The following PTPRN2 variants were observed in gnomAD, a reference collection of about 807,000 sequenced individuals.
The protein encoded by PTPRN2 is receptor-type tyrosine-protein phosphatase N2.
PTPRN2 carries 74 observed loss-of-function variants against 118.8 expected under a neutral mutation model. The ratio of observed to expected loss-of-function variants is 0.62; its 90% confidence interval spans 0.52 to 0.76. PTPRN2 has a LOEUF of 0.76. PTPRN2 is among the 30% of genes least tolerant of loss of function. The pLI, the probability that PTPRN2 is intolerant of heterozygous loss-of-function variation, is 0.00. For synonymous variants in PTPRN2, 641 were observed against 608.0 expected (o/e 1.05, Z -0.80); for missense variants, 1,481 against 1,394.4 (o/e 1.06, Z -0.99).
intron 11 of PTPRN2, among the ~76,000 whole-genome samples, chr7:157,982,954 A>G (rs1222451444): frequency 1.0e-5 from 1 of 99,660 alleles, no homozygotes; most frequent in Non-Finnish European, 2.0e-5. Flanking sequence ...CACAGAGACG[A>G]GGAGGGGAAT....
At chr7:158,549,441 A>G (rs563622654) in intron 1 of PTPRN2, among the ~76,000 whole-genome samples, 1 of 152,238 alleles carries the variant, frequency 6.6e-6, no homozygotes, top group South Asian at 2.1e-4. Context: ...CCTGAACCCC[A>G]GGGATGGCGC....
At chr7:158,538,390 G>T (rs1024943365) in intron 1 of PTPRN2, among the ~76,000 whole-genome samples, 1 of 152,196 alleles carries the variant, frequency 6.6e-6, no homozygotes, top group African/African-American at 2.4e-5. Context: ...GTCCCTCTGG[G>T]AATCCACTCG....
intron 1 of PTPRN2, among the ~76,000 whole-genome samples, chr7:158,566,531 G>A (rs1827684394): frequency 6.6e-6 from 1 of 152,172 alleles, no homozygotes. Flanking sequence ...TACTCTGCAG[G>A]TGACTGGGCA....
intron 12 of PTPRN2, among the ~76,000 whole-genome samples, chr7:157,812,328 G>T (rs1806103521): frequency 6.6e-6 from 1 of 152,182 alleles, no homozygotes; most frequent in Non-Finnish European, 1.5e-5. Context: ...CCTTCCTGGG[G>T]CACCTGTTTC....
At chr7:157,545,942 T>C (rs776007027) in intron 22 of PTPRN2, among the ~76,000 whole-genome samples, 12 of 152,168 alleles carry the variant, frequency 7.9e-5, no homozygotes, top group Non-Finnish European at 1.6e-4. Flanking sequence ...AAATAATTTT[T>C]CTATCTTTGT....
chr7:158,492,294 T>C (rs1396151727), intron 1 of PTPRN2, among the ~76,000 whole-genome samples: 1 of 152,162 alleles, frequency 6.6e-6, no homozygotes, highest in African/African-American at 2.4e-5. Context: ...AACAGAGACC[T>C]TGGGGGAAGG....
intron 11 of PTPRN2, among the ~76,000 whole-genome samples, chr7:158,053,829 T>G (rs963919714): frequency 7.0e-6 from 1 of 142,428 alleles, no homozygotes; most frequent in Non-Finnish European, 1.5e-5. Flanking sequence ...ACCCCAGAGA[T>G]GCAGAGACCC....
At chr7:157,697,286 C>T (rs1400575671) in intron 12 of PTPRN2, among the ~76,000 whole-genome samples, 1 of 145,366 alleles carries the variant, frequency 6.9e-6, no homozygotes, top group Non-Finnish European at 1.5e-5. Context: ...TCACCATCTA[C>T]CCATGCATAC....
At chr7:157,882,845 A>T (rs1312627385) in intron 12 of PTPRN2, among the ~76,000 whole-genome samples, 2 of 150,238 alleles carry the variant, frequency 1.3e-5, no homozygotes, top group Non-Finnish European at 3.0e-5. Context: ...AGATAAAAAC[A>T]TGCCACCCCC....
At position 157,631,659 on chromosome 7, in the gene PTPRN2, C is replaced by T. The variant is rs573445128; in HGVS notation, c.2197-10150G>A. On this transcript the variant is annotated intron_variant, in intron 14 of 22. Coordinates refer to ENST00000389418, the MANE Select transcript of PTPRN2 (RefSeq NM_002847.5). ...CATCCTGGCTAACACGGTGAAACCC[C>T]GTCTCTGCTAAAAATACAAAAAATT... 6.5e-4 allele frequency among the ~76,000 whole-genome samples: 97 copies of T among 149,666 alleles called. 1 individual carries two copies. The highest frequency in any genetic ancestry group is 2.2e-3 in the African/African-American group (89 of 40,660).
At chr7:157,875,102 T>C (rs1356317296) in intron 12 of PTPRN2, among the ~76,000 whole-genome samples, 1 of 152,114 alleles carries the variant, frequency 6.6e-6, no homozygotes, top group Non-Finnish European at 1.5e-5. Context: ...TGCCCTTGGG[T>C]AGACTTGTGG....
At chr7:157,886,060 CT>C (rs1796431697) in intron 12 of PTPRN2, among the ~76,000 whole-genome samples, 1 of 152,228 alleles carries the variant, frequency 6.6e-6, no homozygotes, top group African/African-American at 2.4e-5. Flanking sequence ...AACTCCAAGT[CT>C]GATGGGTTGA....
intron 11 of PTPRN2, among the ~76,000 whole-genome samples, chr7:158,010,675 G>A (rs12698120): frequency 0.84 from 128,111 of 152,262 alleles, 53,984 homozygotes; most frequent in East Asian, 0.88. Flanking sequence ...TATTTTCAGG[G>A]TAACTTAAAC....
At chr7:158,484,353 CT>C (rs1487068476) in intron 2 of PTPRN2, among the ~76,000 whole-genome samples, 1 of 152,046 alleles carries the variant, frequency 6.6e-6, no homozygotes, top group African/African-American at 2.4e-5. Context: ...GACTTATTTA[CT>C]TATTTATTTA....
At chr7:157,737,382 C>CT (rs1435868561) in intron 12 of PTPRN2, among the ~76,000 whole-genome samples, 2 of 152,232 alleles carry the variant, frequency 1.3e-5, no homozygotes, top group East Asian at 3.9e-4. Flanking sequence ...ATCTGGGAGT[C>CT]TGAGTGCGCT....
rs918788294 is a variant in PTPRN2, at chr7:157,787,250, G to T, written c.1789-104313C>A. ...CACTTGGATGCCACTTATGACCCCC[G>T]CGTGCCAGTGGATGCCCACAACCCC... On this transcript the variant is annotated intron_variant, in intron 12 of 22. Coordinates refer to ENST00000389418, the MANE Select transcript of PTPRN2 (RefSeq NM_002847.5). The surrounding 1 kb of genome is among the most constrained non-coding windows in gnomAD (Gnocchi z 5.3). Among the ~76,000 whole-genome samples the T allele has an allele frequency of 2.6e-5, 4 of 152,120 alleles. No homozygotes were observed. Among genetic ancestry groups the T allele is most frequent in the African/African-American group, 9.7e-5 (4 of 41,438 alleles).
intron 1 of PTPRN2, among the ~76,000 whole-genome samples, chr7:158,492,101 G>A (rs1821496269): frequency 6.6e-6 from 1 of 152,226 alleles, no homozygotes; most frequent in Non-Finnish European, 1.5e-5. Flanking sequence ...CCTCAGCTGT[G>A]AGGGCCCCTC....
intron 11 of PTPRN2, among the ~76,000 whole-genome samples, chr7:158,077,339 G>A (rs1184768321): frequency 1.3e-5 from 2 of 152,194 alleles, no homozygotes; most frequent in South Asian, 2.1e-4. Context: ...GCAGGAGGAC[G>A]TCACGGAAAG....
At chr7:158,333,350 T>G (rs1298490603) in intron 2 of PTPRN2, among the ~76,000 whole-genome samples, 1 of 136,570 alleles carries the variant, frequency 7.3e-6, no homozygotes, top group Non-Finnish European at 1.6e-5. Flanking sequence ...AGGTGACACC[T>G]GCAGACGTCA....
Sources: allele counts gnomAD v4.1 joint callset (sites outside exome capture counted in the v4.1 genomes callset), GRCh38; gene constraint gnomAD v4.1.1; non-coding constraint Gnocchi (gnomAD v3.1); transcripts MANE v1.5; gene names NCBI Gene and HGNC (gene_info 2026-07-23, HGNC 2026-07-21).